Variants in SND1 observed in about 807,000 individuals in gnomAD.
SND1 encodes the protein staphylococcal nuclease domain-containing protein 1.
Under a neutral mutation model 121.7 loss-of-function variants are expected in SND1, and 38 were observed. The ratio of observed to expected loss-of-function variants is 0.31; its 90% CI spans 0.24 to 0.41. The LOEUF (loss-of-function observed/expected upper bound fraction) is 0.41. SND1 is among the 10% of genes least tolerant of loss of function. The probability of loss-of-function intolerance (pLI) is 1.00; values close to 1 mark genes in which losing one functional copy is unlikely to be tolerated. For missense variants in SND1, 868 were observed against 1,184.6 expected (o/e 0.73, Z 3.92); for synonymous variants, 401 against 447.4 (o/e 0.90, Z 1.31).
At position 128,087,007 on chromosome 7, in the gene SND1, C is replaced by T; in HGVS notation, c.2374C>T (p.Gln792Ter). The T allele has an allele frequency of 6.2e-7, 1 of 1,614,232 alleles. No homozygotes were observed. Reference protein sequence around the residue: ...PAFSTRVLPAQATEYAFAFIQ... With the variant: ...PAFSTRVLPA ...CTTCAGCACTCGGGTGCTGCCAGCT[C>T]AAGCCACGGAGTATGCCTTCGCCTT... The change falls in exon 21 of 24, where the codon CAA becomes TAA. Residue 792 changes from glutamine (Q) to a stop codon, truncating the protein, a stop_gained. Coordinates refer to ENST00000354725, the MANE Select transcript of SND1 (RefSeq NM_014390.4). LOFTEE classifies it high-confidence loss of function.
chr7:127,928,327 A>G (rs1800889389), intron 14 of SND1: 1 of 152,160 alleles, frequency 6.6e-6, no homozygotes, highest in African/African-American at 2.4e-5. Flanking sequence ...CCCAGGTATC[A>G]TCTCATCCCC....
rs1792525838 is a variant in SND1, at chr7:128,029,819, G to A, written c.1779+38763G>A. 1 of 1,613,538 alleles carries A rather than the reference G, an allele frequency of 6.2e-7. No individual in the cohort carries two copies. The highest frequency in any genetic ancestry group is 1.3e-5 in the African/African-American group (1 of 74,902). Reference sequence around the variant, plus strand: ...GGGGCAAAGAAGAGAGGTTATTGTGGGCCAAGTTGAGTTCCACAAGTGAAG... The same window carrying A: ...GGGGCAAAGAAGAGAGGTTATTGTGAGCCAAGTTGAGTTCCACAAGTGAAG... On this transcript the variant is annotated intron_variant, in intron 16 of 23. Transcript: ENST00000354725. The surrounding 1 kb of genome is among the most constrained non-coding windows in gnomAD (Gnocchi z 4.2).
At chr7:127,904,642 C>T (rs1800298451) in intron 13 of SND1, 105 bp from the exon 14 acceptor site, 2 of 702,610 alleles carry the variant, frequency 2.8e-6, no homozygotes, top group Non-Finnish European at 5.2e-6. Flanking sequence ...TGTAGTCATA[C>T]ATCCCCACTT....
In SND1 at chr7:127,964,737, G is replaced by A. The variant is rs1023900961; in HGVS notation, c.1670-26210G>A. ...GGCTTAGGATTGACTTGGCTATGCG[G>A]GCTGTTTTTTGGTTCCATATGAACT... On this transcript the variant is annotated intron_variant, in intron 15 of 23. Coordinates refer to ENST00000354725, the MANE Select transcript of SND1 (RefSeq NM_014390.4). Among the ~76,000 whole-genome samples, 521 of 144,660 alleles carry A rather than the reference G, an allele frequency of 3.6e-3. 5 individuals carry two copies. Among genetic ancestry groups the A allele is most frequent in the African/African-American group, 0.013 (503 of 37,692 alleles). The allele number at this position is 144,660 out of a possible 152,430, so 94.9% of individuals were successfully genotyped here.
chr7:127,809,228 T>A (rs556169034), intron 11 of SND1, among the ~76,000 whole-genome samples: 1 of 152,346 alleles, frequency 6.6e-6, no homozygotes, highest in Non-Finnish European at 1.5e-5. Context: ...TCCCTCTTGG[T>A]GAGAGAAGCC....
In SND1 at chr7:127,703,584, C is replaced by T. The variant is rs370458483; in HGVS notation, c.840+261C>T. Among the ~76,000 whole-genome samples the T allele has an allele frequency of 2.0e-5, 3 of 152,192 alleles. No homozygotes were observed. The East Asian group carries it at 5.8e-4, about 29-fold the overall frequency. Reference sequence around the variant, plus strand: ...AAAATTAGCCTGTCGTGGTGGCGTGCACCTATAGTCCCAGCTACTCAGGAG... The same window carrying T: ...AAAATTAGCCTGTCGTGGTGGCGTGTACCTATAGTCCCAGCTACTCAGGAG... On this transcript the variant is annotated intron_variant, in intron 7 of 23. Coordinates refer to ENST00000354725, the MANE Select transcript of SND1 (RefSeq NM_014390.4).
At chr7:127,997,982 C>G (rs1802715359) in intron 16 of SND1, 1 of 534,412 alleles carries the variant, frequency 1.9e-6, no homozygotes, top group Non-Finnish European at 3.8e-6. Flanking sequence ...TGTGCACTTA[C>G]CAATAGTATA....
In SND1 at chr7:127,703,153, C is replaced by A; in HGVS notation, c.682-12C>A. 2 of 1,614,024 alleles carry A rather than the reference C, an allele frequency of 1.2e-6. No individual in the cohort carries two copies. The highest frequency in any genetic ancestry group is 1.7e-6 in the Non-Finnish European group (2 of 1,179,938). ...TAGGCTGCATTACTCACCTACCTTG[C>A]CTTTGCTTTAGTGCCCAACTTTTCG... On this transcript the variant is annotated splice_polypyrimidine_tract_variant and intron_variant, in intron 6 of 23. Transcript: ENST00000354725.
At position 127,863,350 on chromosome 7, in the gene SND1, A is replaced by G. The variant is rs547701209; in HGVS notation, c.1343+18926A>G. Among the ~76,000 whole-genome samples the G allele has an allele frequency of 1.2e-3, 179 of 152,320 alleles. 1 individual carries two copies. Among genetic ancestry groups the G allele is most frequent in the African/African-American group, 4.2e-3 (175 of 41,570 alleles). On this transcript the variant is annotated intron_variant, in intron 12 of 23. Coordinates refer to ENST00000354725, the MANE Select transcript of SND1 (RefSeq NM_014390.4). ...TTAATGGAAGCATTACAAATGTTCC[A>G]TGGAAGCGAGGTGCCAGTTTATTTA...
chr7:127,710,676 G>A (rs1158563055), intron 9 of SND1, among the ~76,000 whole-genome samples: 1 of 152,106 alleles, frequency 6.6e-6, no homozygotes, highest in South Asian at 2.1e-4. Flanking sequence ...CTTCCTTGAG[G>A]CAGTCACTTT....
Position 128,008,523 on chromosome 7 carries a change from T to C in SND1, c.1779+17467T>C, listed in dbSNP as rs1355655227. Among the ~76,000 whole-genome samples the C allele has an allele frequency of 4.6e-5, 7 of 151,666 alleles. No homozygotes were observed. The East Asian group carries it at 5.8e-4, about 13-fold the overall frequency. On this transcript the variant is annotated intron_variant, in intron 16 of 23. Transcript: ENST00000354725. ...TTTGATTTTTGAATTGAGAGAGTTG[T>C]GGGGAGGTCAAAATGCCCATCCACG...
intron 15 of SND1, among the ~76,000 whole-genome samples, chr7:127,931,499 C>G (rs1800955375): frequency 1.3e-5 from 2 of 152,152 alleles, no homozygotes; most frequent in African/African-American, 4.8e-5. Flanking sequence ...GCAGCAAGTG[C>G]TGATGTAGAA....
chr7:127,853,293 G>A (rs768941286), intron 12 of SND1, among the ~76,000 whole-genome samples: 20 of 152,162 alleles, frequency 1.3e-4, no homozygotes, highest in African/African-American at 3.4e-4. Flanking sequence ...ACTTCTTCCC[G>A]TGTTAAATTA....
intron 13 of SND1, chr7:127,904,506 C>G (rs189867110): frequency 2.5e-4 from 88 of 345,306 alleles, no homozygotes; most frequent in Middle Eastern, 1.5e-3. Flanking sequence ...TTACTAAGCA[C>G]ACTGTTAGTG....
intron 15 of SND1, among the ~76,000 whole-genome samples, chr7:127,969,925 C>G (rs940820267): frequency 6.6e-6 from 1 of 152,148 alleles, no homozygotes. Flanking sequence ...AGTTTATCTT[C>G]TATAAATTAG....
chr7:127,731,352 G>A (rs1796672731), intron 10 of SND1, among the ~76,000 whole-genome samples: 1 of 152,224 alleles, frequency 6.6e-6, no homozygotes, highest in South Asian at 2.1e-4. Flanking sequence ...ACTTGACATC[G>A]CTCAAAGCAG....
At chr7:127,722,809 CT>C (rs1418738187) in intron 10 of SND1, among the ~76,000 whole-genome samples, 1 of 152,146 alleles carries the variant, frequency 6.6e-6, no homozygotes, top group African/African-American at 2.4e-5. Context: ...TTCTTTCTCT[CT>C]CTTTTTTTCC....
chr7:128,020,108 C>T (rs1411371537), intron 16 of SND1, among the ~76,000 whole-genome samples: 4 of 152,208 alleles, frequency 2.6e-5, no homozygotes, highest in Non-Finnish European at 5.9e-5. Context: ...GCAACACATG[C>T]CCCTTTTGGT....
chr7:127,938,434 AAG>A (rs1415454970), intron 15 of SND1, among the ~76,000 whole-genome samples: 1 of 152,250 alleles, frequency 6.6e-6, no homozygotes, highest in Non-Finnish European at 1.5e-5. Flanking sequence ...GGAAATATGA[AAG>A]AGCAGTTATC....
Sources: gnomAD v4.1 joint callset for allele counts (sites outside exome capture counted in the v4.1 genomes callset) on GRCh38, gnomAD v4.1.1 for gene constraint, Gnocchi (gnomAD v3.1) non-coding constraint, MANE v1.5 for transcripts, NCBI Gene and HGNC (gene_info 2026-07-23, HGNC 2026-07-21) for gene names.